DDX23: variants seen among roughly 807,000 people sequenced by gnomAD.
DDX23 encodes probable ATP-dependent RNA helicase DDX23.
A neutral mutation model predicts 102.7 loss-of-function variants in DDX23; 33 were observed. The observed-to-expected ratio is 0.32, with a 90% CI of 0.24 to 0.43. DDX23 has a LOEUF of 0.43. DDX23 is among the 20% of genes least tolerant of loss of function. DDX23 has a pLI of 1.00. For synonymous variants in DDX23, 352 were observed against 376.0 expected (o/e 0.94, Z 0.74); for missense variants, 549 against 1,086.6 (o/e 0.51, Z 6.96).
In DDX23 at chr12:48,832,638, A is replaced by T; in HGVS notation, c.1804-65T>A. On this transcript the variant is annotated intron_variant, in intron 13 of 16. Transcript: ENST00000308025. This position sits in a 1 kb window ranked among gnomAD's most constrained non-coding sequence, Gnocchi z 4.4. ...ATAATCATATATCCCACTGTCACCG[A>T]AGGCAGGTCAGCCCAGACTAAAGAA... 6.3e-7 allele frequency: 1 copy of T among 1,577,656 alleles called. No homozygotes were observed. Among genetic ancestry groups the T allele is most frequent in the South Asian group, 1.1e-5 (1 of 87,082 alleles).
rs747310531 is a variant in DDX23 at position 48,836,606 on chromosome 12, G to C, written c.1199C>G (p.Pro400Arg). ...IRSWKDSSLPPHILEVIDKCG... is the reference protein window; with the variant it reads ...IRSWKDSSLPRHILEVIDKCG... ...CTTATCAATGACCTCCAAGATGTGT[G>C]GGGGCAGAGAAGAGTCTTTCCAGGA... Residue 400 changes from proline (P) to arginine (R), a missense_variant, in exon 10 of 17, where the codon CCA (proline) becomes CGA (arginine). Physicochemically the swap from Pro to Arg is moderately radical, Grantham distance 103. Coordinates refer to ENST00000308025, the MANE Select transcript of DDX23 (RefSeq NM_004818.3). This position sits in a 1 kb window ranked among gnomAD's most constrained non-coding sequence, Gnocchi z 6.1. 1.2e-6 allele frequency: 2 copies of C among 1,614,000 alleles called. No individual in the cohort carries two copies. Among genetic ancestry groups the C allele is most frequent in the Non-Finnish European group, 1.7e-6 (2 of 1,180,040 alleles).
chr12:48,837,792 T>A, intron 6 of DDX23, 135 bp from the exon 7 acceptor site: 1 of 1,528,940 alleles, frequency 6.5e-7, no homozygotes, highest in Non-Finnish European at 8.8e-7. Flanking sequence ...AATGGAGATC[T>A]AACAGAAAAA....
At chr12:48,837,421 T>C in intron 7 of DDX23, 28 bp from the exon 8 acceptor site, 1 of 1,612,960 alleles carries the variant, frequency 6.2e-7, no homozygotes, top group Non-Finnish European at 8.5e-7. Flanking sequence ...ACAAAGCACA[T>C]GAGCTTTGAG....
intron 1 of DDX23, among the ~76,000 whole-genome samples, chr12:48,851,730 C>G (rs1938762997): frequency 1.3e-5 from 2 of 152,186 alleles, no homozygotes; most frequent in South Asian, 4.1e-4. Context: ...GGCGCAGAGG[C>G]GGGAAAACAT....
Position 48,830,291 on chromosome 12 carries a change from C to A in DDX23, c.*178G>T. On this transcript the variant is annotated 3_prime_UTR_variant, in exon 17 of 17. Coordinates refer to ENST00000308025, the MANE Select transcript of DDX23 (RefSeq NM_004818.3). The surrounding 1 kb of genome is among the most constrained non-coding windows in gnomAD (Gnocchi z 4.9). ...CCTGCCTCCGACAGCGTCGTCCTCT[C>A]CTTTTGCAGCCCCACACGCAGGCCT... The A allele has an allele frequency of 1.3e-6, 1 of 784,162 alleles. No homozygotes were observed. The highest frequency in any genetic ancestry group is 1.5e-5 in the South Asian group (1 of 68,318). The allele number at this position is 784,162 out of a possible 1,614,324, so 48.6% of individuals were successfully genotyped here.
rs747430820 is a variant in DDX23 at position 48,840,047 on chromosome 12, T to A, written c.380A>T (p.Asp127Val). The A allele has an allele frequency of 1.2e-6, 2 of 1,614,210 alleles. No individual in the cohort carries two copies. The highest frequency in any genetic ancestry group is 1.7e-5 in the Admixed American group (1 of 60,026). ...KSRKDRDSKK[D>V]EEDEHGDKKP... is the part of the protein sequence containing the mutation. ...CTTATCACCATGTTCATCCTCTTCA[T>A]CCTTCTTAGAGTCTCTGTCCTTCCG... Residue 127 changes from aspartate to valine, a missense_variant, in exon 4 of 17, where the codon GAT (aspartate) becomes GTT (valine). Physicochemically the swap from Asp to Val is radical, Grantham distance 152. Coordinates refer to ENST00000308025, the MANE Select transcript of DDX23 (RefSeq NM_004818.3).
In DDX23 at chr12:48,832,771, T is replaced by C; in HGVS notation, c.1804-198A>G. 1.5e-6 allele frequency: 1 copy of C among 651,884 alleles called. No homozygotes were observed. Among genetic ancestry groups the C allele is most frequent in the Non-Finnish European group, 2.5e-6 (1 of 395,082 alleles). 40.4% of individuals were successfully genotyped at this position (651,884 alleles called of 1,614,324 possible). A position where few individuals can be genotyped will look rare whatever the true frequency, so the allele number is the denominator to read the frequency against. On this transcript the variant is annotated intron_variant, in intron 13 of 16. Coordinates refer to ENST00000308025, the MANE Select transcript of DDX23 (RefSeq NM_004818.3). This position sits in a 1 kb window ranked among gnomAD's most constrained non-coding sequence, Gnocchi z 4.4. ...CTGCTCATCAAGGCACTTTCCATCT[T>C]ATGATGACAGGAAGGATTGAGAGCA...
chr12:48,846,411 AG>A lies in DDX23; in HGVS notation c.1-630del, dbSNP rs139723869. Among the ~76,000 whole-genome samples, 453 of 152,302 alleles carry A rather than the reference AG, an allele frequency of 3.0e-3. 5 individuals are homozygous for A. Among genetic ancestry groups the A allele is most frequent in the African/African-American group, 9.6e-3 (398 of 41,566 alleles). ...AAACATCCTATATTGCTTACTTTGA[AG>A]TTTATTAGGTCTGCCAACCCACTAG... is the stretch of plus-strand genomic sequence containing the variant. On this transcript the variant is annotated intron_variant, in intron 1 of 16. Transcript: ENST00000308025.
intron 1 of DDX23, among the ~76,000 whole-genome samples, chr12:48,851,036 C>T (rs1207055766): frequency 2.0e-5 from 3 of 152,214 alleles, no homozygotes; most frequent in Non-Finnish European, 4.4e-5. Flanking sequence ...ATCTTCAGGT[C>T]CTCAGTTCTT....
At chr12:48,841,806 C>T (rs1398554266) in intron 3 of DDX23, among the ~76,000 whole-genome samples, 1 of 151,908 alleles carries the variant, frequency 6.6e-6, no homozygotes. Context: ...GATCTTGGCT[C>T]GCTACAACCT....
intron 11 of DDX23, chr12:48,834,806 C>T (rs1017090746): frequency 1.7e-5 from 4 of 228,752 alleles, no homozygotes; most frequent in Admixed American, 5.2e-5. Context: ...TGGTGGCCGG[C>T]GCCTGTAATA....
Position 48,832,266 on chromosome 12 carries a change from A to G in DDX23, c.1956-80T>C. ...TGCCCAACCCTCATCTATGAACACTACTTTCAGGGTCTTTAATGCCCATGA... is the reference window on the plus strand; with the variant it reads ...TGCCCAACCCTCATCTATGAACACTGCTTTCAGGGTCTTTAATGCCCATGA... On this transcript the variant is annotated intron_variant, in intron 14 of 16. Coordinates refer to ENST00000308025, the MANE Select transcript of DDX23 (RefSeq NM_004818.3). The surrounding 1 kb of genome is among the most constrained non-coding windows in gnomAD (Gnocchi z 4.4). The G allele has an allele frequency of 6.4e-7, 1 of 1,562,698 alleles. No individual in the cohort carries two copies.
chr12:48,839,401 A>G (rs1211330337), intron 5 of DDX23: 1 of 157,474 alleles, frequency 6.4e-6, no homozygotes, highest in African/African-American at 2.4e-5. Context: ...TCTACAAAAA[A>G]TACAAAAATT....
rs1592198783 is a variant in DDX23, at chr12:48,830,945, A to G, written c.2239+197T>C. On this transcript the variant is annotated intron_variant, in intron 16 of 16. Transcript: ENST00000308025. This position sits in a 1 kb window ranked among gnomAD's most constrained non-coding sequence, Gnocchi z 4.9. Reference sequence around the variant, plus strand: ...CATTCTTCACACTCCTGAGGACACAAGTGTCATCCCAGCTGCTGGGACAAC... The same window carrying G: ...CATTCTTCACACTCCTGAGGACACAGGTGTCATCCCAGCTGCTGGGACAAC... Among the ~76,000 whole-genome samples the G allele has an allele frequency of 6.6e-6, 1 of 152,184 alleles. No homozygotes were observed. The highest frequency in any genetic ancestry group is 1.9e-4 in the East Asian group (1 of 5,194).
rs553639159 is a variant in DDX23 at position 48,837,055 on chromosome 12, G to A, written c.867-18C>T. 28 of 1,610,866 alleles carry A rather than the reference G, an allele frequency of 1.7e-5. 1 individual carries two copies. The highest frequency in any genetic ancestry group is 1.3e-4 in the African/African-American group (10 of 74,612). Reference sequence around the variant, plus strand: ...CTTTGTACCTGGGATTGAGATAGAGGAAAAGAAAAAAGAAGGAGCTGTTAA... The same window carrying A: ...CTTTGTACCTGGGATTGAGATAGAGAAAAAGAAAAAAGAAGGAGCTGTTAA... On this transcript the variant is annotated intron_variant, in intron 8 of 16. Transcript: ENST00000308025.
chr12:48,829,848 T>C lies in DDX23; in HGVS notation c.*621A>G, dbSNP rs115480223. The stretch of plus-strand genomic sequence containing the variant: ...CAGAGATTTCACTCAGTGACAAAGA[T>C]GGACACAGCCAGTTCACCGTGTCCC... On this transcript the variant is annotated 3_prime_UTR_variant, in exon 17 of 17. Transcript: ENST00000308025. 4.3e-6 allele frequency: 1 copy of C among 230,756 alleles called. No individual in the cohort carries two copies. The highest frequency in any genetic ancestry group is 5.2e-5 in the Admixed American group (1 of 19,270). The allele number at this position is 230,756 out of a possible 1,614,324, so 14.3% of individuals were successfully genotyped here.
At position 48,848,720 on chromosome 12, in the gene DDX23, G is replaced by A. The variant is rs368251960; in HGVS notation, c.1-2938C>T. 1.4e-3 allele frequency among the ~76,000 whole-genome samples: 208 copies of A among 151,814 alleles called. 2 individuals are homozygous for A. Among genetic ancestry groups the A allele is most frequent in the African/African-American group, 4.7e-3 (194 of 41,376 alleles). On this transcript the variant is annotated intron_variant, in intron 1 of 16. Transcript: ENST00000308025. The stretch of plus-strand genomic sequence containing the variant: ...CTGCCTAGGCCTCCCAAGTAGCTGG[G>A]ACTATAGGCGCATGCCACCACACCT...
intron 11 of DDX23, among the ~76,000 whole-genome samples, chr12:48,835,746 T>C (rs1218235555): frequency 6.6e-6 from 1 of 150,826 alleles, no homozygotes; most frequent in Non-Finnish European, 1.5e-5. Context: ...AAAAATTAGC[T>C]AGAAGTGGTG....
In DDX23 at chr12:48,838,222, G is replaced by A. The variant is rs566366062; in HGVS notation, c.481-142C>T. The A allele has an allele frequency of 7.1e-5, 86 of 1,213,440 alleles. No homozygotes were observed. In the African/African-American group the frequency reaches 1.0e-3, roughly 14 times the overall value. The allele number at this position is 1,213,440 out of a possible 1,614,324, so 75.2% of individuals were successfully genotyped here. On this transcript the variant is annotated intron_variant, in intron 5 of 16. Coordinates refer to ENST00000308025, the MANE Select transcript of DDX23 (RefSeq NM_004818.3). ...GAAAACACAAATAGGCCTTGGACTC[G>A]GTTATGGACTGAACTATGTCCCCTA... is the stretch of plus-strand genomic sequence containing the variant.
Sources: allele counts gnomAD v4.1 joint callset (sites outside exome capture counted in the v4.1 genomes callset), GRCh38; gene constraint gnomAD v4.1.1; non-coding constraint Gnocchi (gnomAD v3.1); transcripts MANE v1.5; gene names NCBI Gene and HGNC (gene_info 2026-07-23, HGNC 2026-07-21).